Variants in TPRG1 observed in about 807,000 individuals in gnomAD.
The protein encoded by TPRG1 is tumor protein p63-regulated gene 1 protein.
A neutral mutation model predicts 29.3 loss-of-function variants in TPRG1; 29 were observed. That is an observed-to-expected ratio of 0.99 (90% CI 0.74 to 1.35). The LOEUF is 1.35. Ranked by LOEUF, TPRG1 falls within the 40% of genes most tolerant of loss-of-function variation. TPRG1 has a pLI of 0.00. For missense variants in TPRG1, 327 were observed against 335.0 expected (o/e 0.98, Z 0.19); for synonymous variants, 130 against 116.8 (o/e 1.11, Z -0.73).
At chr3:189,245,744 T>G (rs185838650) in intron 4 of TPRG1, among the ~76,000 whole-genome samples, 10 of 152,252 alleles carry the variant, frequency 6.6e-5, no homozygotes, top group Non-Finnish European at 1.3e-4. Flanking sequence ...GTGTAGTTTT[T>G]TAATAGTTAC....
intron 3 of TPRG1, among the ~76,000 whole-genome samples, chr3:189,014,210 T>C (rs1429268968): frequency 2.0e-5 from 3 of 152,220 alleles, no homozygotes; most frequent in South Asian, 2.1e-4. Flanking sequence ...TGGTAACGAA[T>C]TGCCTCAGGA....
chr3:189,310,771 A>C (rs1722362012), intron 5 of TPRG1, among the ~76,000 whole-genome samples: 1 of 152,148 alleles, frequency 6.6e-6, no homozygotes, highest in Non-Finnish European at 1.5e-5. Flanking sequence ...TATATATAAC[A>C]TGCTGCTTTC....
chr3:189,076,083 G>A (rs73890955), intron 4 of TPRG1, among the ~76,000 whole-genome samples: 13,520 of 152,156 alleles, frequency 0.089, 747 homozygotes, highest in African/African-American at 0.16. Flanking sequence ...CAAGCCACAT[G>A]GTTAATATGT....
chr3:189,166,311 C>T (rs1028926577), intron 5 of TPRG1, among the ~76,000 whole-genome samples: 7 of 152,192 alleles, frequency 4.6e-5, no homozygotes, highest in African/African-American at 1.4e-4. Flanking sequence ...CATTACGTTG[C>T]CATGCCAACT....
chr3:189,200,256 T>C (rs369965625), intron 1 of TPRG1, among the ~76,000 whole-genome samples: 1 of 152,190 alleles, frequency 6.6e-6, no homozygotes, highest in African/African-American at 2.4e-5. Context: ...ATATACAAAA[T>C]GTGAAATTGT....
intron 1 of TPRG1, among the ~76,000 whole-genome samples, chr3:189,183,374 C>A (rs1730498103): frequency 6.6e-6 from 1 of 152,064 alleles, no homozygotes; most frequent in Non-Finnish European, 1.5e-5. Flanking sequence ...CACCACAGGA[C>A]CGGGGCAAAA....
intron 1 of TPRG1, among the ~76,000 whole-genome samples, chr3:189,196,182 G>A (rs1732502345): frequency 6.6e-6 from 1 of 152,130 alleles, no homozygotes; most frequent in Admixed American, 6.5e-5. Flanking sequence ...CCCATCTGAG[G>A]ATCTAATTTC....
At chr3:189,215,798 A>G (rs1735979298) in intron 3 of TPRG1, among the ~76,000 whole-genome samples, 1 of 152,208 alleles carries the variant, frequency 6.6e-6, no homozygotes, top group Non-Finnish European at 1.5e-5. Context: ...CAACATATAT[A>G]CTTTGAATTT....
At chr3:189,200,520 G>A (rs528981817) in intron 1 of TPRG1, among the ~76,000 whole-genome samples, 66 of 152,306 alleles carry the variant, frequency 4.3e-4, no homozygotes, top group Admixed American at 1.9e-3. Flanking sequence ...GTATCAGCAT[G>A]AGAAAACACA....
At chr3:189,254,970 A>G (rs1711576404) in intron 4 of TPRG1, among the ~76,000 whole-genome samples, 1 of 152,190 alleles carries the variant, frequency 6.6e-6, no homozygotes, top group South Asian at 2.1e-4. Context: ...ATTTACAAAC[A>G]GAGATAATTT....
intron 4 of TPRG1, among the ~76,000 whole-genome samples, chr3:189,250,984 ACT>A (rs962437278): frequency 1.3e-5 from 2 of 150,984 alleles, no homozygotes; most frequent in Admixed American, 6.6e-5. Flanking sequence ...TGTTCTTCTG[ACT>A]CTCTGTCCAG....
At chr3:189,144,715 AC>A (rs779304148) in intron 3 of TPRG1, among the ~76,000 whole-genome samples, 22 of 135,846 alleles carry the variant, frequency 1.6e-4, no homozygotes, top group African/African-American at 4.9e-4. Context: ...AAGAAAAGAC[AC>A]TGATCACTAG....
chr3:189,093,924 A>T (rs1160470587), intron 4 of TPRG1, among the ~76,000 whole-genome samples: 1 of 152,132 alleles, frequency 6.6e-6, no homozygotes, highest in East Asian at 1.9e-4. Flanking sequence ...GGATAAAGAA[A>T]GCAGCCCAAC....
chr3:189,089,239 T>C (rs1718177508), intron 4 of TPRG1, among the ~76,000 whole-genome samples: 1 of 152,216 alleles, frequency 6.6e-6, no homozygotes, highest in Admixed American at 6.5e-5. Flanking sequence ...ATCTGTAGAA[T>C]CACATGGGAT....
chr3:189,077,870 G>A (rs530440674), intron 4 of TPRG1, among the ~76,000 whole-genome samples: 72 of 152,218 alleles, frequency 4.7e-4, no homozygotes, highest in African/African-American at 1.7e-3. Context: ...ACCAGTGTAT[G>A]GTGGCTTAAA....
intron 1 of TPRG1, among the ~76,000 whole-genome samples, chr3:189,206,277 C>G (rs760282864): frequency 4.0e-5 from 6 of 151,664 alleles, no homozygotes; most frequent in Non-Finnish European, 7.4e-5. Context: ...TATACACTCA[C>G]ACTTTCAGTG....
chr3:189,013,306 A>C (rs1044659297), intron 3 of TPRG1, among the ~76,000 whole-genome samples: 1 of 152,116 alleles, frequency 6.6e-6, no homozygotes, highest in African/African-American at 2.4e-5. Flanking sequence ...CAGGTTGTTC[A>C]ATTTCCATGT....
intron 4 of TPRG1, among the ~76,000 whole-genome samples, chr3:189,070,145 G>C (rs1381079528): frequency 6.6e-6 from 1 of 152,070 alleles, no homozygotes; most frequent in African/African-American, 2.4e-5. Context: ...CAGTGAATTC[G>C]ACTGACAGAA....
In TPRG1 at chr3:189,215,344, C is replaced by T; in HGVS notation, c.263C>T (p.Thr88Ile). 1.2e-6 allele frequency: 2 copies of T among 1,612,326 alleles called. No individual in the cohort carries two copies. The highest frequency in any genetic ancestry group is 1.7e-4 in the Middle Eastern group (1 of 6,056). Reference protein sequence around the residue: ...MEDLKGHVAETSGETIQGFWL... With the variant: ...MEDLKGHVAEISGETIQGFWL... ...GACTTGAAAGGTCACGTAGCTGAGA[C>T]TTCTGGAGAGACCATTCAAGGCTTC... The change falls in exon 3 of 6, where the codon ACT becomes ATT. Residue 88 changes from threonine (T) to isoleucine (I), a missense_variant. Transcript: ENST00000345063.
Sources: allele counts gnomAD v4.1 joint callset (sites outside exome capture counted in the v4.1 genomes callset), GRCh38; gene constraint gnomAD v4.1.1; transcripts MANE v1.5; gene names NCBI Gene and HGNC (gene_info 2026-07-23, HGNC 2026-07-21).